The following USP48 variants were observed in gnomAD, a reference collection of about 807,000 sequenced individuals.
USP48 encodes ubiquitin specific peptidase 48.
A neutral mutation model predicts 150.7 loss-of-function variants in USP48; 43 were observed. That is an observed-to-expected ratio of 0.29 (90% CI 0.22 to 0.37). The LOEUF is 0.37. USP48 is among the 10% of genes least tolerant of loss of function. USP48 has a pLI of 1.00. For missense variants in USP48, 813 were observed against 1,249.6 expected, an observed-to-expected ratio of 0.65 and a Z score of 5.27; for synonymous variants, 396 against 425.9, an observed-to-expected ratio of 0.93 and a Z score of 0.86.
At chr1:21,687,611 T>C (rs1023433522) in intron 24 of USP48, among the ~76,000 whole-genome samples, 1 of 152,216 alleles carries the variant, frequency 6.6e-6, no homozygotes, top group African/African-American at 2.4e-5. Context: ...AATAAAAAGT[T>C]ATACTGGTCC....
In USP48 at chr1:21,747,076, C is replaced by A; in HGVS notation, c.982G>T (p.Glu328Ter). 1 of 1,608,872 alleles carries A rather than the reference C, an allele frequency of 6.2e-7. No homozygotes were observed. The highest frequency in any genetic ancestry group is 8.5e-7 in the Non-Finnish European group (1 of 1,177,882). The change falls in exon 8 of 27, where the codon GAA (glutamate) becomes TAA (stop). Residue 328 changes from glutamate (E) to a stop codon, truncating the protein, a stop_gained. Transcript: ENST00000308271. LOFTEE classifies it high-confidence loss of function. Reference protein sequence around the residue: ...SEILDMEPYVEHKGGSYVYEL... With the variant: ...SEILDMEPYV ...TCAGTAAAAATATTACCTTTATGTT[C>A]CACATAAGGCTCCATATCCAAAATT... is the stretch of plus-strand genomic sequence containing the variant.
At chr1:21,760,814 G>A (rs779827739) in intron 1 of USP48, among the ~76,000 whole-genome samples, 10 of 152,134 alleles carry the variant, frequency 6.6e-5, no homozygotes, top group Non-Finnish European at 1.2e-4. Context: ...AGGAAGGTGG[G>A]CCAGGCACAG....
intron 3 of USP48, among the ~76,000 whole-genome samples, chr1:21,755,950 G>A (rs989280465): frequency 1.3e-5 from 2 of 152,060 alleles, no homozygotes; most frequent in Non-Finnish European, 2.9e-5. Context: ...TGGATCACCT[G>A]AGGTCGGGAG....
chr1:21,698,790 G>A (rs961746221), intron 22 of USP48, among the ~76,000 whole-genome samples: 25 of 152,026 alleles, frequency 1.6e-4, no homozygotes, highest in Admixed American at 3.9e-4. Context: ...CGTTACTGGG[G>A]AGCCTGAGGC....
intron 6 of USP48, 64 bp from the exon 7 acceptor site, chr1:21,748,335 C>A: frequency 1.4e-6 from 2 of 1,439,922 alleles, no homozygotes; most frequent in East Asian, 2.4e-5. Context: ...TGATAAAACC[C>A]TTGATGTAAA....
chr1:21,701,716 T>C, intron 21 of USP48, 114 bp from the exon 22 acceptor site: 4 of 734,624 alleles, frequency 5.4e-6, no homozygotes, highest in Admixed American at 2.2e-5. Context: ...ACCTTTATCA[T>C]GGTGGGATTA....
At chr1:21,753,834 A>AAC (rs2097823962) in intron 3 of USP48, among the ~76,000 whole-genome samples, 1 of 150,634 alleles carries the variant, frequency 6.6e-6, no homozygotes, top group African/African-American at 2.4e-5. Context: ...AAAAAAAAAA[A>AAC]AAAAAAAAAA....
At chr1:21,682,609 G>T (rs1208056321) in intron 25 of USP48, among the ~76,000 whole-genome samples, 1 of 152,138 alleles carries the variant, frequency 6.6e-6, no homozygotes, top group Non-Finnish European at 1.5e-5. Context: ...AGGCGTAGTG[G>T]CTCACGCCTG....
intron 8 of USP48, among the ~76,000 whole-genome samples, chr1:21,738,503 C>T (rs1451484778): frequency 6.6e-6 from 1 of 151,690 alleles, no homozygotes; most frequent in Admixed American, 6.6e-5. Flanking sequence ...ATTACAGGCA[C>T]CCAACATCAT....
Position 21,736,464 on chromosome 1 carries a change from C to G in USP48, c.1153G>C (p.Gly385Arg). The G allele has an allele frequency of 6.2e-7, 1 of 1,611,396 alleles. No homozygotes were observed. The highest frequency in any genetic ancestry group is 8.5e-7 in the Non-Finnish European group (1 of 1,179,110). ...GTTTTACCTAGATCTTCCTCAATCC[C>G]TAGTTGTAATTTCTTCCCCTCCATC... ...EKMEGKKLQL[G>R]IEEDLAEPSK... Residue 385 changes from glycine (G) to arginine (R), a missense_variant, in exon 9 of 27, where the codon GGG becomes CGG. Gly to Arg is a moderately radical substitution (Grantham distance 125). Transcript: ENST00000308271.
chr1:21,721,151 C>A lies in USP48; in HGVS notation c.1779G>T (p.Trp593Cys), dbSNP rs748797506. The A allele has an allele frequency of 6.2e-7, 1 of 1,614,222 alleles. No homozygotes were observed. The change falls in exon 14 of 27, where the codon TGG becomes TGT. Residue 593 changes from tryptophan to cysteine, a missense_variant. Trp to Cys is a radical substitution (Grantham distance 215, BLOSUM62 -2). Coordinates refer to ENST00000308271, the MANE Select transcript of USP48 (RefSeq NM_032236.8). ...AACTCCGCAAGGAGGACTTCCCCAC[C>A]CAAAATCCATCGCTGCTGTGGAACA... is the stretch of plus-strand genomic sequence containing the variant. ...KAAVKGSDGF[W>C]VGKSSLRSWR...
At chr1:21,722,750 C>T (rs1034745556) in intron 12 of USP48, among the ~76,000 whole-genome samples, 1 of 151,726 alleles carries the variant, frequency 6.6e-6, no homozygotes, top group Non-Finnish European at 1.5e-5. Context: ...AAGACTGAGA[C>T]GGGAGCCTGA....
chr1:21,782,735 A>G (rs2097917592), intron 1 of USP48, 89 bp downstream of exon 1: 1 of 1,417,658 alleles, frequency 7.1e-7, no homozygotes, highest in South Asian at 1.5e-5. Flanking sequence ...AATGCACGCA[A>G]AGGGCTGCCG....
At chr1:21,687,848 T>A (rs1043206655) in intron 24 of USP48, among the ~76,000 whole-genome samples, 2 of 152,122 alleles carry the variant, frequency 1.3e-5, no homozygotes, top group Non-Finnish European at 2.9e-5. Flanking sequence ...ATCATTAGGA[T>A]CTAGCAACTC....
chr1:21,687,328 C>T, intron 24 of USP48, 89 bp from the exon 25 acceptor site: 1 of 1,218,554 alleles, frequency 8.2e-7, no homozygotes, highest in Non-Finnish European at 1.2e-6. Context: ...ACTGATATTG[C>T]TATAAGACAC....
At chr1:21,759,169 G>C (rs1242601893) in intron 1 of USP48, among the ~76,000 whole-genome samples, 1 of 117,976 alleles carries the variant, frequency 8.5e-6, no homozygotes. Context: ...GCAACAGAGA[G>C]AGACACGGTC....
At chr1:21,743,670 G>A (rs1056597985) in intron 8 of USP48, among the ~76,000 whole-genome samples, 7 of 152,136 alleles carry the variant, frequency 4.6e-5, no homozygotes, top group African/African-American at 1.4e-4. Flanking sequence ...TTAAGGGGAG[G>A]AAGGTGGTTT....
intron 7 of USP48, among the ~76,000 whole-genome samples, chr1:21,747,547 G>T (rs1273232653): frequency 6.6e-6 from 1 of 151,926 alleles, no homozygotes; most frequent in African/African-American, 2.4e-5. Context: ...AGAAGGTCAG[G>T]GTAATTCAAT....
chr1:21,701,948 C>T (rs2097658235), intron 21 of USP48, among the ~76,000 whole-genome samples: 1 of 152,118 alleles, frequency 6.6e-6, no homozygotes, highest in Non-Finnish European at 1.5e-5. Flanking sequence ...GATTGCCAAG[C>T]CTTTTCAAGT....
Sources: gnomAD v4.1 joint callset for allele counts (sites outside exome capture counted in the v4.1 genomes callset) on GRCh38, gnomAD v4.1.1 for gene constraint, MANE v1.5 for transcripts, NCBI Gene and HGNC (gene_info 2026-07-23, HGNC 2026-07-21) for gene names.